RNF144A: variants seen among roughly 807,000 people sequenced by gnomAD.
RNF144A encodes ring finger protein 144A.
A neutral mutation model predicts 38.7 loss-of-function variants in RNF144A; 11 were observed. That is an observed-to-expected ratio of 0.28 (90% CI 0.18 to 0.47). The LOEUF (loss-of-function observed/expected upper bound fraction) is 0.47, where lower values mean the gene tolerates loss of function less well. Ranked by LOEUF, RNF144A falls within the 20% of genes least tolerant of loss-of-function variation. RNF144A has a pLI of 0.99. For missense variants in RNF144A, 316 were observed against 377.2 expected (o/e 0.84, Z 1.34); for synonymous variants, 149 against 143.9 (o/e 1.04, Z -0.25).
chr2:6,936,773 G>A (rs907547445), intron 1 of RNF144A, among the ~76,000 whole-genome samples: 1 of 151,720 alleles, frequency 6.6e-6, no homozygotes, highest in African/African-American at 2.4e-5. Flanking sequence ...TACCAGACAA[G>A]CACACTGTTA....
chr2:6,994,786 C>T lies in RNF144A; in HGVS notation c.-11-2130C>T, dbSNP rs1245412691. ...TTTTAGACTGAGTGACTTGCAGGCACCAGCTGCCCTTGGAAGAGGCCCCTC... is the reference window on the plus strand; with the variant it reads ...TTTTAGACTGAGTGACTTGCAGGCATCAGCTGCCCTTGGAAGAGGCCCCTC... On this transcript the variant is annotated intron_variant, in intron 2 of 8. Transcript: ENST00000320892. Among the ~76,000 whole-genome samples the T allele has an allele frequency of 2.6e-5, 4 of 152,332 alleles. No homozygotes were observed. The East Asian group carries it at 7.7e-4, about 29-fold the overall frequency.
At chr2:6,939,589 T>A (rs1358035709) in intron 1 of RNF144A, among the ~76,000 whole-genome samples, 1 of 152,216 alleles carries the variant, frequency 6.6e-6, no homozygotes, top group Non-Finnish European at 1.5e-5. Context: ...TGAATTACAA[T>A]GTATCTATTT....
At position 7,041,019 on chromosome 2, in the gene RNF144A, T is replaced by C. The variant is rs1161063875; in HGVS notation, c.*1259T>C. ...CATACACATTATTCCACCAATTGAC[T>C]TTGAAAAGTGGAGAAAGTGTATTCT... On this transcript the variant is annotated 3_prime_UTR_variant, in exon 9 of 9. Transcript: ENST00000320892. The C allele has an allele frequency of 1.0e-6, 1 of 985,316 alleles. No homozygotes were observed. The highest frequency in any genetic ancestry group is 1.2e-6 in the Non-Finnish European group (1 of 829,932). The allele number at this position is 985,316 out of a possible 1,614,324, so 61.0% of individuals were successfully genotyped here.
the RNF144A span, among the ~76,000 whole-genome samples, chr2:7,073,500 G>A: frequency 1.3e-5 from 2 of 152,198 alleles, no homozygotes; most frequent in Non-Finnish European, 2.9e-5. Context: ...TAAGGAATGG[G>A]TAATAAGGAA....
chr2:7,009,829 T>A (rs530694517), intron 3 of RNF144A, among the ~76,000 whole-genome samples: 1 of 152,286 alleles, frequency 6.6e-6, no homozygotes, highest in East Asian at 1.9e-4. Context: ...GGTGGTGGTG[T>A]GTAGCTAGCA....
rs544174916 is a variant in RNF144A, at chr2:6,952,599, T to C, written c.-12+11452T>C. Among the ~76,000 whole-genome samples, 35 of 150,126 alleles carry C rather than the reference T, an allele frequency of 2.3e-4. No individual in the cohort carries two copies. The East Asian group carries it at 6.2e-3, about 27-fold the overall frequency. ...TCAGTTTTGTTAAGCTTTATGTATA[T>C]ATATATGTTATATATAAAAAAGTAT... On this transcript the variant is annotated intron_variant, in intron 2 of 8. Transcript: ENST00000320892.
At chr2:7,002,397 A>G (rs1223283825) in intron 3 of RNF144A, among the ~76,000 whole-genome samples, 1 of 152,178 alleles carries the variant, frequency 6.6e-6, no homozygotes, top group Non-Finnish European at 1.5e-5. Flanking sequence ...CTAGATTTGC[A>G]GTGTGGATAG....
At chr2:7,059,904 G>A (rs1344660663) in intron 6 of RNF144A, among the ~76,000 whole-genome samples, 7 of 152,168 alleles carry the variant, frequency 4.6e-5, no homozygotes, top group South Asian at 2.1e-4. Context: ...TAAAAGTGGC[G>A]CTGCAGGTAG....
At chr2:7,008,236 T>G (rs2103409416) in intron 3 of RNF144A, among the ~76,000 whole-genome samples, 1 of 152,358 alleles carries the variant, frequency 6.6e-6, no homozygotes, top group East Asian at 1.9e-4. Flanking sequence ...AAGAGCGGCC[T>G]TCCTCCTTTT....
intron 6 of RNF144A, among the ~76,000 whole-genome samples, chr2:7,054,497 G>A (rs1673652560): frequency 6.6e-6 from 1 of 152,184 alleles, no homozygotes; most frequent in Non-Finnish European, 1.5e-5. Context: ...GCAAGTTAAA[G>A]TCTGAGAAAT....
chr2:7,070,300 A>C (rs151303717), downstream of RNF144A, among the ~76,000 whole-genome samples: 14 of 152,226 alleles, frequency 9.2e-5, no homozygotes, highest in East Asian at 2.7e-3. Flanking sequence ...CCTCCCGAGT[A>C]GCTGTGACTA....
rs1382618960 is a variant in RNF144A, at chr2:7,039,928, C to T, written c.*168C>T. On this transcript the variant is annotated 3_prime_UTR_variant, in exon 9 of 9. Coordinates refer to ENST00000320892, the MANE Select transcript of RNF144A (RefSeq NM_014746.6). ...TTTCAGGGACCTATGTCACAATGTT[C>T]GCTGAGGCCCCAGGTGTGGTGGGGA... 9.1e-6 allele frequency: 13 copies of T among 1,422,972 alleles called. No individual in the cohort carries two copies. Among genetic ancestry groups the T allele is most frequent in the Admixed American group, 5.7e-5 (2 of 35,150 alleles). 88.1% of individuals were successfully genotyped at this position (1,422,972 alleles called of 1,614,324 possible).
rs762238466 is a variant in RNF144A, at chr2:7,014,704, TC to T, written c.241-5del. ...TATCATTCCTGTTTGCATTTTTTTTTCCCTTAGATTGAGTGCATGGTTGCAG... is the reference window on the plus strand; with the variant it reads ...TATCATTCCTGTTTGCATTTTTTTTTCCTTAGATTGAGTGCATGGTTGCAG... On this transcript the variant is annotated splice_region_variant and splice_polypyrimidine_tract_variant and intron_variant, in intron 4 of 8. Transcript: ENST00000320892. 1.2e-6 allele frequency: 2 copies of T among 1,606,506 alleles called. No homozygotes were observed. Among genetic ancestry groups the T allele is most frequent in the Non-Finnish European group, 1.7e-6 (2 of 1,174,958 alleles).
intron 2 of RNF144A, among the ~76,000 whole-genome samples, chr2:6,949,774 T>C: frequency 6.6e-6 from 1 of 152,342 alleles, no homozygotes; most frequent in East Asian, 1.9e-4. Flanking sequence ...TTAACTTTTG[T>C]ATTTGAGTTC....
chr2:6,980,301 C>G (rs1668553583), intron 2 of RNF144A, among the ~76,000 whole-genome samples: 1 of 152,218 alleles, frequency 6.6e-6, no homozygotes, highest in African/African-American at 2.4e-5. Context: ...ACCCAAAAGT[C>G]CAAGTCCATA....
intron 7 of RNF144A, 104 bp downstream of exon 7, chr2:7,024,620 C>T: frequency 7.8e-7 from 1 of 1,284,508 alleles, no homozygotes; most frequent in Non-Finnish European, 1.1e-6. Context: ...GGTGCCTACT[C>T]CTGTGTAACA....
chr2:7,022,837 C>G (rs1044363017), intron 6 of RNF144A, among the ~76,000 whole-genome samples: 1 of 152,200 alleles, frequency 6.6e-6, no homozygotes, highest in African/African-American at 2.4e-5. Context: ...TCGTTTGCTC[C>G]TTGCAACAAC....
chr2:7,047,956 A>G (rs1230833463), downstream of RNF144A, among the ~76,000 whole-genome samples: 1 of 152,210 alleles, frequency 6.6e-6, no homozygotes, highest in Non-Finnish European at 1.5e-5. Context: ...CTCCCACCAC[A>G]CATGGCTTCC....
intron 2 of RNF144A, among the ~76,000 whole-genome samples, chr2:6,977,725 A>G (rs1224783281): frequency 2.6e-5 from 4 of 152,220 alleles, no homozygotes; most frequent in Non-Finnish European, 5.9e-5. Flanking sequence ...CACTTCCTCT[A>G]TGCTTGCACT....
Sources: allele counts gnomAD v4.1 joint callset (sites outside exome capture counted in the v4.1 genomes callset), GRCh38; gene constraint gnomAD v4.1.1; transcripts MANE v1.5; gene names NCBI Gene and HGNC (gene_info 2026-07-23, HGNC 2026-07-21).